Variants in SRBD1 observed in about 807,000 individuals in gnomAD.
SRBD1 encodes S1 RNA binding domain 1, also known as S1 RNA-binding domain-containing protein 1.
A neutral mutation model predicts 115.3 loss-of-function variants in SRBD1; 88 were observed. The ratio of observed to expected loss-of-function variants is 0.76; its 90% CI spans 0.64 to 0.91. SRBD1 has a LOEUF of 0.91. Ranked by LOEUF, SRBD1 falls within the 40% of genes least tolerant of loss-of-function variation. SRBD1 has a pLI of 0.00. For synonymous variants in SRBD1, 509 were observed against 407.7 expected (o/e 1.25, Z -2.99); for missense variants, 1,385 against 1,177.4 (o/e 1.18, Z -2.58).
At chr2:45,460,539 T>C (rs980406943) in intron 16 of SRBD1, among the ~76,000 whole-genome samples, 5 of 152,330 alleles carry the variant, frequency 3.3e-5, no homozygotes, top group Admixed American at 2.0e-4. Flanking sequence ...CTTGAAATTA[T>C]GGCTTCTCTA....
intron 16 of SRBD1, among the ~76,000 whole-genome samples, chr2:45,423,889 A>T (rs996739812): frequency 7.9e-5 from 12 of 152,154 alleles, no homozygotes; most frequent in Non-Finnish European, 1.8e-4. Context: ...CTTAAGAACC[A>T]GACTCACATT....
rs1032995312 is a variant in SRBD1 at position 45,479,731 on chromosome 2, C to A, written c.1967-2656G>T. ...GTTGTCCAGAAGATCTAGTTAAGAT[C>A]ATAATGAAGGTGGCTACAATAAACA... On this transcript the variant is annotated intron_variant, in intron 15 of 20. Coordinates refer to ENST00000263736, the MANE Select transcript of SRBD1 (RefSeq NM_018079.5). Among the ~76,000 whole-genome samples, 2 of 152,190 alleles carry A rather than the reference C, an allele frequency of 1.3e-5. 1 individual carries two copies. Among genetic ancestry groups the A allele is most frequent in the East Asian group, 3.9e-4 (2 of 5,194 alleles).
At chr2:45,406,883 T>G (rs895462504) in intron 19 of SRBD1, among the ~76,000 whole-genome samples, 2 of 152,190 alleles carry the variant, frequency 1.3e-5, no homozygotes, top group African/African-American at 4.8e-5. Context: ...CTTTTTTTTT[T>G]TTCTTCTTAA....
chr2:45,600,979 G>A (rs1371978506), intron 3 of SRBD1, among the ~76,000 whole-genome samples: 2 of 152,150 alleles, frequency 1.3e-5, no homozygotes. Flanking sequence ...AGAGCCCTCT[G>A]AGTATTAAAT....
chr2:45,585,382 A>T (rs1053522129), intron 5 of SRBD1, among the ~76,000 whole-genome samples: 1 of 152,188 alleles, frequency 6.6e-6, no homozygotes, highest in African/African-American at 2.4e-5. Flanking sequence ...TGAGGCACAC[A>T]CTTTTACTGC....
intron 16 of SRBD1, among the ~76,000 whole-genome samples, chr2:45,468,827 T>C (rs1202434861): frequency 6.6e-6 from 1 of 152,192 alleles, no homozygotes. Context: ...TCCAAAGTGG[T>C]GGTACCAATT....
intron 13 of SRBD1, among the ~76,000 whole-genome samples, chr2:45,547,068 T>A (rs1196631815): frequency 2.0e-5 from 3 of 152,160 alleles, no homozygotes. Context: ...TGTCACACTA[T>A]CTCAAAAAAG....
At chr2:45,591,334 T>C (rs1572816542) in intron 4 of SRBD1, among the ~76,000 whole-genome samples, 3 of 152,276 alleles carry the variant, frequency 2.0e-5, no homozygotes, top group South Asian at 2.1e-4. Context: ...ATCTCTGACC[T>C]AACCAATCAG....
intron 12 of SRBD1, among the ~76,000 whole-genome samples, chr2:45,548,476 T>C (rs1399002581): frequency 6.6e-6 from 1 of 152,032 alleles, no homozygotes; most frequent in Non-Finnish European, 1.5e-5. Context: ...AACAGATAAT[T>C]AGAAATATCT....
chr2:45,593,819 T>C (rs2104227148), intron 4 of SRBD1, among the ~76,000 whole-genome samples: 1 of 152,264 alleles, frequency 6.6e-6, no homozygotes, highest in East Asian at 1.9e-4. Flanking sequence ...ACAAGTTTCC[T>C]TACAGATTGC....
At chr2:45,518,068 CA>C (rs1671173923) in intron 14 of SRBD1, among the ~76,000 whole-genome samples, 3 of 152,056 alleles carry the variant, frequency 2.0e-5, no homozygotes, top group Admixed American at 1.3e-4. Context: ...TCATAATAGG[CA>C]GGCTTTTTTT....
At chr2:45,566,925 G>A (rs1672847667) in intron 9 of SRBD1, among the ~76,000 whole-genome samples, 1 of 152,034 alleles carries the variant, frequency 6.6e-6, no homozygotes, top group Admixed American at 6.5e-5. Context: ...TACTCTTAAT[G>A]AATGGGATTT....
intron 14 of SRBD1, among the ~76,000 whole-genome samples, chr2:45,527,629 C>T (rs1671488804): frequency 6.6e-6 from 1 of 151,790 alleles, no homozygotes; most frequent in African/African-American, 2.4e-5. Flanking sequence ...GTGCCAAGCA[C>T]CATTCTAAGT....
chr2:45,438,841 T>G (rs1002834294), intron 16 of SRBD1, among the ~76,000 whole-genome samples: 1 of 151,988 alleles, frequency 6.6e-6, no homozygotes, highest in Non-Finnish European at 1.5e-5. Context: ...TTTCCCCAAT[T>G]TTTTCAAAAA....
intron 14 of SRBD1, among the ~76,000 whole-genome samples, chr2:45,490,038 T>C (rs1375253843): frequency 1.3e-5 from 2 of 152,146 alleles, no homozygotes; most frequent in Non-Finnish European, 2.9e-5. Context: ...TCAAATACGT[T>C]CCATAACTTC....
intron 14 of SRBD1, among the ~76,000 whole-genome samples, chr2:45,531,082 C>T (rs1470595000): frequency 2.0e-5 from 3 of 151,958 alleles, no homozygotes; most frequent in African/African-American, 7.2e-5. Context: ...CCCAAGAAAC[C>T]TCAGTAGCTC....
chr2:45,523,797 G>A lies in SRBD1; in HGVS notation c.1874+22935C>T, dbSNP rs115326914. ...ATTCACAAACTCTTCCAAAAAACAG[G>A]AGGGGAGAACACTTCCTAATTCATT... is the stretch of plus-strand genomic sequence containing the variant. On this transcript the variant is annotated intron_variant, in intron 14 of 20. Coordinates refer to ENST00000263736, the MANE Select transcript of SRBD1 (RefSeq NM_018079.5). Among the ~76,000 whole-genome samples, 258 of 151,610 alleles carry A rather than the reference G, an allele frequency of 1.7e-3. 1 individual carries two copies. Among genetic ancestry groups the A allele is most frequent in the African/African-American group, 6.0e-3 (248 of 41,412 alleles).
At chr2:45,504,573 A>C (rs535256549) in intron 14 of SRBD1, among the ~76,000 whole-genome samples, 1 of 152,336 alleles carries the variant, frequency 6.6e-6, no homozygotes, top group South Asian at 2.1e-4. Flanking sequence ...AAAGGTAATA[A>C]TATGCAAAAT....
At chr2:45,551,401 CT>C (rs1672295549) in intron 11 of SRBD1, 119 bp from the exon 12 acceptor site, 5 of 1,038,494 alleles carry the variant, frequency 4.8e-6, no homozygotes, top group Non-Finnish European at 6.8e-6. Context: ...AACAATATAA[CT>C]TAAGAGAAAA....
Sources: allele counts gnomAD v4.1 joint callset (sites outside exome capture counted in the v4.1 genomes callset), GRCh38; gene constraint gnomAD v4.1.1; transcripts MANE v1.5; gene names NCBI Gene and HGNC (gene_info 2026-07-23, HGNC 2026-07-21).